The following ALMS1 variants were observed in gnomAD, a reference collection of about 807,000 sequenced individuals.
ALMS1 encodes centrosome-associated protein ALMS1.
In ALMS1, 271 loss-of-function variants were observed where a neutral mutation model predicts 352.2. The ratio of observed to expected loss-of-function variants is 0.77; its 90% confidence interval spans 0.70 to 0.85. The LOEUF (loss-of-function observed/expected upper bound fraction) is 0.85. Among genes scored for constraint, ALMS1 ranks in the 40% least tolerant of loss-of-function variants. The pLI is 0.00. For synonymous variants in ALMS1, 1,865 were observed against 1,761.2 expected, an observed-to-expected ratio of 1.06 and a Z score of -1.48; for missense variants, 5,445 against 4,870.7, an observed-to-expected ratio of 1.12 and a Z score of -3.51.
At chr2:73,530,744 CATTCAT>C (rs1415513204) in intron 11 of ALMS1, among the ~76,000 whole-genome samples, 6 of 152,250 alleles carry the variant, frequency 3.9e-5, no homozygotes, top group Non-Finnish European at 4.4e-5. Flanking sequence ...GACATCTAGG[CATTCAT>C]ATATCCTCTG....
intron 10 of ALMS1, among the ~76,000 whole-genome samples, chr2:73,518,182 C>A (rs953639296): frequency 6.6e-6 from 1 of 150,524 alleles, no homozygotes; most frequent in Non-Finnish European, 1.5e-5. Context: ...GAGTTCTCAT[C>A]ATTTAGCTCC....
chr2:73,394,039 T>C (rs1235315148), intron 1 of ALMS1, among the ~76,000 whole-genome samples: 1 of 152,142 alleles, frequency 6.6e-6, no homozygotes. Context: ...CAGGCTGGTC[T>C]CAAACTCTTG....
chr2:73,484,320 C>T (rs2103874339), intron 9 of ALMS1, among the ~76,000 whole-genome samples: 1 of 151,264 alleles, frequency 6.6e-6, no homozygotes, highest in East Asian at 1.9e-4. Context: ...TTTTATTTCT[C>T]CTTCACTTAT....
intron 9 of ALMS1, among the ~76,000 whole-genome samples, chr2:73,476,928 A>G (rs1435870999): frequency 1.3e-5 from 2 of 152,134 alleles, no homozygotes; most frequent in Non-Finnish European, 2.9e-5. Flanking sequence ...AAGTTAATTG[A>G]TAAAACAAGA....
At chr2:73,509,075 G>C (rs1055632581) in intron 10 of ALMS1, among the ~76,000 whole-genome samples, 26 of 151,826 alleles carry the variant, frequency 1.7e-4, no homozygotes, top group African/African-American at 6.3e-4. Context: ...TGTTGTTGTT[G>C]TTATTTTTTG....
Position 73,548,982 on chromosome 2 carries a change from A to G in ALMS1, c.9908-1285A>G, listed in dbSNP as rs1275466842. On this transcript the variant is annotated intron_variant, in intron 12 of 22. Transcript: ENST00000613296. ...AGTTGAGAAGAACCCAATATAATCT[A>G]TTTGGCCCAGAAGGCTTGGTGTTTT... Among the ~76,000 whole-genome samples the G allele has an allele frequency of 2.6e-5, 4 of 152,156 alleles. No individual in the cohort carries two copies. The East Asian group carries it at 5.8e-4, about 22-fold the overall frequency.
At chr2:73,502,315 G>T (rs890015523) in intron 10 of ALMS1, among the ~76,000 whole-genome samples, 1 of 152,144 alleles carries the variant, frequency 6.6e-6, no homozygotes, top group African/African-American at 2.4e-5. Flanking sequence ...GGATCCTCAG[G>T]TATAAAGTCT....
rs777942308 is a variant in ALMS1, at chr2:73,519,804, C to A, written c.9569C>A (p.Ser3190Tyr). Residue 3190 changes from serine to tyrosine, a missense_variant, in exon 11 of 23, where the codon TCT becomes TAT. Coordinates refer to ENST00000613296, the MANE Select transcript of ALMS1 (RefSeq NM_001378454.1). ...CCAGAGAAGATGAAGACCCCACTTTCTGCTTTCTCTGAAAAATTGTCATCT... is the reference window on the plus strand; with the variant it reads ...CCAGAGAAGATGAAGACCCCACTTTATGCTTTCTCTGAAAAATTGTCATCT... ...RLPEKMKTPLSAFSEKLSSDA... is the reference protein window; with the variant it reads ...RLPEKMKTPLYAFSEKLSSDA... 2 of 1,613,920 alleles carry A rather than the reference C, an allele frequency of 1.2e-6. No individual in the cohort carries two copies. The highest frequency in any genetic ancestry group is 2.7e-5 in the African/African-American group (2 of 74,908).
At position 73,608,594 on chromosome 2, in the gene ALMS1, A is replaced by G. The variant is rs772131805; in HGVS notation, c.12462+20A>G. 7.6e-6 allele frequency: 12 copies of G among 1,574,262 alleles called. No homozygotes were observed. Among genetic ancestry groups the G allele is most frequent in the Non-Finnish European group, 1.0e-5 (12 of 1,143,894 alleles). ...AAAAAGGTCAGTGGGTCCTCTGTCT[A>G]GAGTGGGATGGATCAGGTTTATTGG... On this transcript the variant is annotated intron_variant, in intron 22 of 22. Coordinates refer to ENST00000613296, the MANE Select transcript of ALMS1 (RefSeq NM_001378454.1).
intron 15 of ALMS1, among the ~76,000 whole-genome samples, chr2:73,571,263 G>T (rs564011597): frequency 3.3e-4 from 51 of 152,290 alleles, no homozygotes; most frequent in Non-Finnish European, 6.6e-4. Flanking sequence ...TTGCATGTGT[G>T]TATCTTTGTT....
chr2:73,540,536 A>G (rs970009519), intron 12 of ALMS1, among the ~76,000 whole-genome samples: 1 of 152,246 alleles, frequency 6.6e-6, no homozygotes, highest in Non-Finnish European at 1.5e-5. Flanking sequence ...TTAATCTTAA[A>G]TGTAAATGGA....
chr2:73,458,341 A>T (rs1044501162), intron 9 of ALMS1: 5 of 152,294 alleles, frequency 3.3e-5, no homozygotes, highest in African/African-American at 1.2e-4. Context: ...ATCCCATTGT[A>T]TGAACATAAC....
intron 1 of ALMS1, among the ~76,000 whole-genome samples, chr2:73,398,261 T>C (rs1670803953): frequency 1.3e-5 from 2 of 152,354 alleles, no homozygotes; most frequent in South Asian, 2.1e-4. Flanking sequence ...TTGTATTGCC[T>C]TCGTTTTTTG....
chr2:73,413,652 C>G (rs13383703), intron 2 of ALMS1, among the ~76,000 whole-genome samples: 1 of 152,136 alleles, frequency 6.6e-6, no homozygotes, highest in Non-Finnish European at 1.5e-5. Flanking sequence ...AACTGAGAAC[C>G]GCTTTTTCAG....
intron 16 of ALMS1, among the ~76,000 whole-genome samples, chr2:73,580,206 T>C (rs1343221312): frequency 6.6e-6 from 1 of 152,162 alleles, no homozygotes; most frequent in East Asian, 1.9e-4. Context: ...GCTTTCCGAG[T>C]AGCTGGGACT....
intron 2 of ALMS1, among the ~76,000 whole-genome samples, chr2:73,409,788 G>T (rs1156564363): frequency 6.6e-6 from 1 of 152,066 alleles, no homozygotes; most frequent in Non-Finnish European, 1.5e-5. Flanking sequence ...TATAGAATTG[G>T]CTTATGTGAT....
At chr2:73,548,115 T>C (rs1448357008) in intron 12 of ALMS1, among the ~76,000 whole-genome samples, 1 of 152,188 alleles carries the variant, frequency 6.6e-6, no homozygotes, top group Non-Finnish European at 1.5e-5. Context: ...ATTCCTATTA[T>C]ACATCCACAT....
At chr2:73,397,304 C>A (rs1341386624) in intron 1 of ALMS1, among the ~76,000 whole-genome samples, 1 of 151,968 alleles carries the variant, frequency 6.6e-6, no homozygotes, top group South Asian at 2.1e-4. Flanking sequence ...TGTACCTCTC[C>A]AATTTTTGGA....
At chr2:73,522,337 G>A (rs1159898645) in intron 11 of ALMS1, among the ~76,000 whole-genome samples, 1 of 152,144 alleles carries the variant, frequency 6.6e-6, no homozygotes, top group Non-Finnish European at 1.5e-5. Flanking sequence ...TAATAAATCA[G>A]TATTCTAACA....
Sources: allele counts gnomAD v4.1 joint callset (sites outside exome capture counted in the v4.1 genomes callset), GRCh38; gene constraint gnomAD v4.1.1; transcripts MANE v1.5; gene names NCBI Gene and HGNC (gene_info 2026-07-23, HGNC 2026-07-21).